ABHD18: variants seen among roughly 807,000 people sequenced by gnomAD.
The protein encoded by ABHD18 is abhydrolase domain containing 18.
ABHD18 carries 55 observed loss-of-function variants against 65.9 expected under a neutral mutation model. That is an observed-to-expected ratio of 0.84 (90% CI 0.67 to 1.05). The LOEUF (loss-of-function observed/expected upper bound fraction) is 1.05, where lower values mean the gene tolerates loss of function less well. Ranked by LOEUF, ABHD18 falls within the 50% of genes least tolerant of loss-of-function variation. The pLI, the probability that ABHD18 is intolerant of heterozygous loss-of-function variation, is 0.00. For synonymous variants in ABHD18, 181 were observed against 180.2 expected, an observed-to-expected ratio of 1.00 and a Z score of -0.04; for missense variants, 533 against 558.5, an observed-to-expected ratio of 0.95 and a Z score of 0.46.
In ABHD18 at chr4:128,009,158, C is replaced by T. The variant is rs1422365325; in HGVS notation, c.409C>T (p.Arg137Ter). 14 of 1,519,668 alleles carry T rather than the reference C, an allele frequency of 9.2e-6. No individual in the cohort carries two copies. The highest frequency in any genetic ancestry group is 8.7e-6 in the Non-Finnish European group (10 of 1,147,052). The allele number at this position is 1,519,668 out of a possible 1,614,324, so 94.1% of individuals were successfully genotyped here. Reference protein sequence around the residue: ...LMARPMIKEARMASLLLENPY... With the variant: ...LMARPMIKEA ...GGCCCGTCCTATGATTAAAGAAGCC[C>T]GAATGGCTTCTTTATTGTTAGAAAA... is the stretch of plus-strand genomic sequence containing the variant. The change falls in exon 6 of 13, where the codon CGA becomes TGA. Residue 137 changes from arginine (R) to a stop codon, truncating the protein, a stop_gained. Coordinates refer to ENST00000645843, the MANE Select transcript of ABHD18 (RefSeq NM_001358451.3). LOFTEE classifies it high-confidence loss of function.
At chr4:127,998,569 C>G (rs888069731) in intron 4 of ABHD18, among the ~76,000 whole-genome samples, 9 of 148,768 alleles carry the variant, frequency 6.0e-5, no homozygotes, top group Admixed American at 1.4e-4. Flanking sequence ...GAGACTGGAT[C>G]TCACTGTTGG....
chr4:128,035,186 C>T (rs1407571775), intron 12 of ABHD18, among the ~76,000 whole-genome samples: 2 of 152,092 alleles, frequency 1.3e-5, no homozygotes, highest in Non-Finnish European at 2.9e-5. Context: ...ACACATTACA[C>T]ACATGTGCCT....
intron 1 of ABHD18, among the ~76,000 whole-genome samples, chr4:127,980,324 C>G (rs1055476523): frequency 2.0e-5 from 3 of 152,222 alleles, no homozygotes; most frequent in African/African-American, 7.2e-5. Context: ...GTTTCCCCCT[C>G]AACCTTGGAC....
At chr4:127,993,770 T>C (rs1446786215) in intron 4 of ABHD18, among the ~76,000 whole-genome samples, 1 of 152,204 alleles carries the variant, frequency 6.6e-6, no homozygotes, top group Non-Finnish European at 1.5e-5. Flanking sequence ...TAATTCCTTA[T>C]GGTGCACATT....
chr4:128,009,880 A>T (rs1754244877), intron 6 of ABHD18, among the ~76,000 whole-genome samples: 1 of 152,266 alleles, frequency 6.6e-6, no homozygotes, highest in Non-Finnish European at 1.5e-5. Flanking sequence ...GTATAGCTTT[A>T]GTAAACATGT....
At chr4:128,006,239 A>G (rs996768373) in intron 4 of ABHD18, among the ~76,000 whole-genome samples, 5 of 152,222 alleles carry the variant, frequency 3.3e-5, no homozygotes, top group Admixed American at 6.5e-5. Context: ...TGAAGTCACT[A>G]CATGCATTGC....
intron 4 of ABHD18, among the ~76,000 whole-genome samples, chr4:127,995,037 G>A (rs981612854): frequency 1.3e-5 from 2 of 151,996 alleles, no homozygotes; most frequent in East Asian, 1.9e-4. Context: ...ATGTCACCAC[G>A]CCTGGCTAAT....
chr4:127,998,281 CTT>C (rs993883974), intron 4 of ABHD18, among the ~76,000 whole-genome samples: 3 of 119,834 alleles, frequency 2.5e-5, no homozygotes, highest in African/African-American at 3.0e-5. Context: ...CAAGACGTTT[CTT>C]TTTTTTTTTT....
intron 10 of ABHD18, among the ~76,000 whole-genome samples, chr4:128,025,702 A>G (rs1378325766): frequency 2.0e-5 from 3 of 152,182 alleles, no homozygotes; most frequent in African/African-American, 7.2e-5. Flanking sequence ...AATTCTGGTT[A>G]TGTCAGTTTA....
chr4:128,030,897 T>C, intron 12 of ABHD18: 1 of 1,239,012 alleles, frequency 8.1e-7, no homozygotes, highest in Non-Finnish European at 1.0e-6. Flanking sequence ...ATAGGCATGC[T>C]TTATCGTGTG....
In ABHD18 at chr4:127,970,146, G is replaced by C. The variant is rs541098672; in HGVS notation, c.-18+4540G>C. Among the ~76,000 whole-genome samples the C allele has an allele frequency of 1.3e-5, 2 of 151,996 alleles. 1 individual carries two copies. Among genetic ancestry groups the C allele is most frequent in the South Asian group, 4.2e-4 (2 of 4,818 alleles). ...AATCCTCCCTCCTCAGCGTCCCAAA[G>C]TGCTGGGATTGCAGATGTGAGCCAC... On this transcript the variant is annotated intron_variant, in intron 1 of 12. Coordinates refer to ENST00000645843, the MANE Select transcript of ABHD18 (RefSeq NM_001358451.3).
intron 4 of ABHD18, among the ~76,000 whole-genome samples, chr4:127,990,053 A>C (rs1043077455): frequency 1.3e-5 from 2 of 152,218 alleles, no homozygotes; most frequent in Non-Finnish European, 2.9e-5. Context: ...AATGTTCAAC[A>C]ATAGGCGATT....
At chr4:127,966,654 C>A (rs1231507550) in intron 1 of ABHD18, among the ~76,000 whole-genome samples, 1 of 125,730 alleles carries the variant, frequency 8.0e-6, no homozygotes, top group African/African-American at 3.0e-5. Context: ...GTCAGGAGAT[C>A]GAGACCATCC....
chr4:128,022,711 C>T (rs1346893821), intron 10 of ABHD18, among the ~76,000 whole-genome samples: 2 of 150,754 alleles, frequency 1.3e-5, no homozygotes, highest in Admixed American at 1.3e-4. Flanking sequence ...TGTAATTTAC[C>T]AGTTTTCAAG....
At chr4:128,000,201 C>G (rs1260835228) in intron 4 of ABHD18, among the ~76,000 whole-genome samples, 1 of 152,178 alleles carries the variant, frequency 6.6e-6, no homozygotes, top group African/African-American at 2.4e-5. Flanking sequence ...AACCATATCA[C>G]CAAGGCTGAA....
At position 128,028,658 on chromosome 4, in the gene ABHD18, C is replaced by A; in HGVS notation, c.985C>A (p.Leu329Ile). Residue 329 changes from leucine (L) to isoleucine (I), a missense_variant, in exon 11 of 13, where the codon CTC (leucine) becomes ATC (isoleucine). This residue lies in a region of ABHD18 where 220 missense variants were observed against 226.8 expected (regional missense o/e 0.97). Coordinates refer to ENST00000645843, the MANE Select transcript of ABHD18 (RefSeq NM_001358451.3). ...KTSVSATSEG[L>I]LLQDTSKMKR... ...ATCTGTCAGTGCGACATCAGAAGGA[C>A]TCTTATTGCAAGATACCTCTAAGAT... The A allele has an allele frequency of 6.2e-7, 1 of 1,613,848 alleles. No homozygotes were observed. Among genetic ancestry groups the A allele is most frequent in the South Asian group, 1.1e-5 (1 of 91,066 alleles).
chr4:127,973,650 G>A (rs953277935), intron 1 of ABHD18, among the ~76,000 whole-genome samples: 1 of 151,732 alleles, frequency 6.6e-6, no homozygotes, highest in African/African-American at 2.4e-5. Context: ...TTCCCATGAC[G>A]ACATTATGTT....
At position 128,020,185 on chromosome 4, in the gene ABHD18, T is replaced by A. The variant is rs766331669; in HGVS notation, c.699+16T>A. On this transcript the variant is annotated intron_variant, in intron 9 of 12. Coordinates refer to ENST00000645843, the MANE Select transcript of ABHD18 (RefSeq NM_001358451.3). ...CTTCACTACGGTAATTTAATTGTAATTAATATTAGGTAGCTATATATAATT... is the reference window on the plus strand; with the variant it reads ...CTTCACTACGGTAATTTAATTGTAAATAATATTAGGTAGCTATATATAATT... The A allele has an allele frequency of 4.0e-5, 64 of 1,588,706 alleles. No individual in the cohort carries two copies. Among genetic ancestry groups the A allele is most frequent in the Non-Finnish European group, 5.3e-5 (62 of 1,159,420 alleles).
chr4:127,975,390 T>C (rs1469420117), intron 1 of ABHD18, among the ~76,000 whole-genome samples: 2 of 152,228 alleles, frequency 1.3e-5, no homozygotes, highest in African/African-American at 2.4e-5. Flanking sequence ...TTGTTTAAAT[T>C]GAATCATACA....
Sources: allele counts gnomAD v4.1 joint callset (sites outside exome capture counted in the v4.1 genomes callset), GRCh38; gene constraint gnomAD v4.1.1; regional missense constraint gnomAD v4.1.1; transcripts MANE v1.5; gene names NCBI Gene and HGNC (gene_info 2026-07-23, HGNC 2026-07-21).